TMEM47: variants seen among roughly 807,000 people sequenced by gnomAD.
The protein encoded by TMEM47 is transmembrane protein 47.
Under a neutral mutation model 12.4 loss-of-function variants are expected in TMEM47, and 3 were observed. That is an observed-to-expected ratio of 0.24 (90% confidence interval 0.11 to 0.63). The LOEUF (loss-of-function observed/expected upper bound fraction) is 0.63. Among genes scored for constraint, TMEM47 ranks in the 20% least tolerant of loss-of-function variants. The pLI, the probability that TMEM47 is intolerant of heterozygous loss-of-function variation, is 0.86. For synonymous variants in TMEM47, 62 were observed against 63.3 expected (o/e 0.98, Z 0.10); for missense variants, 89 against 143.8 (o/e 0.62, Z 1.95).
chrX:34,657,078 G>T lies in TMEM47; in HGVS notation c.-49C>A. 1 of 1,094,721 alleles carries T rather than the reference G, an allele frequency of 9.1e-7. No individual in the cohort carries two copies. The highest frequency in any genetic ancestry group is 3.5e-5 in the Admixed American group (1 of 28,537). 90.2% of individuals were successfully genotyped at this position (1,094,721 alleles called of 1,213,427 possible). A position where few individuals can be genotyped will look rare whatever the true frequency, so the allele number is the denominator to read the frequency against. On this transcript the variant is annotated 5_prime_UTR_variant, in exon 1 of 3. Coordinates refer to ENST00000275954, the MANE Select transcript of TMEM47 (RefSeq NM_031442.4). ...CCCGCCGCAGGCGAGGACGCCAGGC[G>T]GGTCCGGAGAGCCGGGAGCCGGACC...
chrX:34,627,436 T>C lies in TMEM47; in HGVS notation c.*2877A>G, dbSNP rs1287522629. The stretch of plus-strand genomic sequence containing the variant: ...TGCACTGCTCTGTACAAAAATACAG[T>C]CTGAATAAATTACATTGCTAGCCAT... On this transcript the variant is annotated 3_prime_UTR_variant, in exon 3 of 3. Transcript: ENST00000275954. The C allele has an allele frequency of 8.9e-6, 1 of 111,938 alleles. No homozygotes were observed. Among genetic ancestry groups the C allele is most frequent in the Non-Finnish European group, 1.9e-5 (1 of 53,085 alleles). 9.2% of individuals were successfully genotyped at this position (111,938 alleles called of 1,213,427 possible). A position where few individuals can be genotyped will look rare whatever the true frequency, so the allele number is the denominator to read the frequency against.
intron 1 of TMEM47, among the ~76,000 whole-genome samples, chrX:34,652,784 G>A (rs1328749126): frequency 1.8e-5 from 2 of 111,726 alleles, no homozygotes; most frequent in Non-Finnish European, 3.8e-5. Flanking sequence ...CTGTCCACCC[G>A]TCTATGATGT....
At chrX:34,644,268 T>C (rs1473259119) in intron 1 of TMEM47, among the ~76,000 whole-genome samples, 2 of 111,775 alleles carry the variant, frequency 1.8e-5, no homozygotes, top group Non-Finnish European at 3.8e-5. Flanking sequence ...GGCATCAGAG[T>C]TTCCAATGTC....
At chrX:34,650,005 G>A (rs947688603) in intron 1 of TMEM47, among the ~76,000 whole-genome samples, 2 of 111,922 alleles carry the variant, frequency 1.8e-5, no homozygotes, top group Admixed American at 9.4e-5. Context: ...GATTACAGGC[G>A]TGAGCCACCA....
intron 2 of TMEM47, among the ~76,000 whole-genome samples, chrX:34,633,117 T>G (rs892739323): frequency 1.2e-4 from 12 of 96,383 alleles, no homozygotes; most frequent in African/African-American, 5.0e-4. Flanking sequence ...TGAATGTTTC[T>G]AAAGCGATAC....
At chrX:34,630,523 G>A (rs762226871) in intron 2 of TMEM47, 32 bp from the exon 3 acceptor site, 1 of 1,126,660 alleles carries the variant, frequency 8.9e-7, no homozygotes, top group Non-Finnish European at 1.2e-6. Flanking sequence ...ATTAGAAAAT[G>A]TTATTTGCAG....
chrX:34,652,435 G>A (rs1458447088), intron 1 of TMEM47, among the ~76,000 whole-genome samples: 3 of 112,099 alleles, frequency 2.7e-5, no homozygotes, highest in Non-Finnish European at 5.6e-5. Flanking sequence ...ATTCCCGACA[G>A]CAAGTAAAAT....
rs1044235285 is a variant in TMEM47, at chrX:34,629,637, C to A, written c.*676G>T. The A allele has an allele frequency of 9.0e-6, 1 of 111,285 alleles. No homozygotes were observed. Among genetic ancestry groups the A allele is most frequent in the Non-Finnish European group, 1.9e-5 (1 of 53,087 alleles). 9.2% of individuals were successfully genotyped at this position (111,285 alleles called of 1,213,427 possible). ...AAAAACAGAGATCCTCAATTTTTCC[C>A]CAGTCTAGATAGGGCTGAGGCACCA... On this transcript the variant is annotated 3_prime_UTR_variant, in exon 3 of 3. Transcript: ENST00000275954.
intron 2 of TMEM47, among the ~76,000 whole-genome samples, chrX:34,632,933 T>C (rs1196677210): frequency 9.0e-6 from 1 of 110,708 alleles, no homozygotes; most frequent in Non-Finnish European, 1.9e-5. Flanking sequence ...AGAAGAAAAT[T>C]CCAAAGTTGC....
chrX:34,645,499 T>C (rs1405393088), intron 1 of TMEM47, among the ~76,000 whole-genome samples: 1 of 111,384 alleles, frequency 9.0e-6, no homozygotes, highest in Admixed American at 9.5e-5. Flanking sequence ...TATCAAATGA[T>C]CTACTTAACT....
chrX:34,638,262 T>A (rs981650425), intron 2 of TMEM47, among the ~76,000 whole-genome samples: 1 of 111,698 alleles, frequency 9.0e-6, no homozygotes, highest in African/African-American at 3.3e-5. Flanking sequence ...TAGATGTACT[T>A]CTGGATTCCT....
chrX:34,641,181 T>G (rs1344164571), intron 1 of TMEM47, among the ~76,000 whole-genome samples: 4 of 111,416 alleles, frequency 3.6e-5, no homozygotes, highest in African/African-American at 1.3e-4. Flanking sequence ...TATTGCACTT[T>G]GGCATGATGG....
At chrX:34,639,179 A>G (rs1921770087) in intron 2 of TMEM47, 68 bp downstream of exon 2, 2 of 1,101,244 alleles carry the variant, frequency 1.8e-6, no homozygotes, top group Middle Eastern at 5.0e-4. Context: ...TCTTCTGCAT[A>G]GGAAAGGAAG....
At chrX:34,653,229 G>T (rs780256793) in intron 1 of TMEM47, among the ~76,000 whole-genome samples, 1 of 111,711 alleles carries the variant, frequency 9.0e-6, no homozygotes, top group Non-Finnish European at 1.9e-5. Flanking sequence ...ATATTCACCT[G>T]TTATTAGCAT....
At chrX:34,634,919 A>C (rs1478198390) in intron 2 of TMEM47, among the ~76,000 whole-genome samples, 1 of 112,250 alleles carries the variant, frequency 8.9e-6, no homozygotes, top group Non-Finnish European at 1.9e-5. Flanking sequence ...TTCATAAAGT[A>C]ATAAACTTTT....
rs374283302 is a variant in TMEM47 at position 34,641,257 on chromosome X, A to G, written c.227-1870T>C. Among the ~76,000 whole-genome samples, 4 of 111,768 alleles carry G rather than the reference A, an allele frequency of 3.6e-5. No homozygotes were observed. In the East Asian group the frequency reaches 1.1e-3, roughly 31 times the overall value. On this transcript the variant is annotated intron_variant, in intron 1 of 2. Transcript: ENST00000275954. Reference sequence around the variant, plus strand: ...ATTAAAAAAATCAAAGTTTAATTATATAAAAGTGTACAATGAAAAAAATAA... The same window carrying G: ...ATTAAAAAAATCAAAGTTTAATTATGTAAAAGTGTACAATGAAAAAAATAA...
At chrX:34,635,813 A>G (rs1174277468) in intron 2 of TMEM47, among the ~76,000 whole-genome samples, 1 of 102,447 alleles carries the variant, frequency 9.8e-6, no homozygotes, top group Non-Finnish European at 2.0e-5. Context: ...GACTAAGGCA[A>G]TAATGATGGT....
intron 1 of TMEM47, among the ~76,000 whole-genome samples, chrX:34,653,804 GTGGCCGGCAGCCATGTGAGTAC>G (rs1244830517): frequency 3.6e-5 from 4 of 111,918 alleles, no homozygotes; most frequent in African/African-American, 1.3e-4. Context: ...AAAGAATTCT[GTGGCCGGCAGCCATGTGAGTAC>G]TGCGTATTCT....
chrX:34,647,248 C>G (rs1357001987), intron 1 of TMEM47, among the ~76,000 whole-genome samples: 6 of 111,425 alleles, frequency 5.4e-5, no homozygotes. Flanking sequence ...AACATGATGG[C>G]AATAAAATCT....
Sources: allele counts gnomAD v4.1 joint callset (sites outside exome capture counted in the v4.1 genomes callset), GRCh38; gene constraint gnomAD v4.1.1; transcripts MANE v1.5; gene names NCBI Gene and HGNC (gene_info 2026-07-23, HGNC 2026-07-21).